TCTN3: variants seen among roughly 807,000 people sequenced by gnomAD.
TCTN3 encodes tectonic-3.
Under a neutral mutation model 71.3 loss-of-function variants are expected in TCTN3, and 57 were observed. That is an observed-to-expected ratio of 0.80 (90% confidence interval 0.65 to 1.00). The LOEUF (loss-of-function observed/expected upper bound fraction) is 1.00, where lower values mean the gene tolerates loss of function less well. Ranked by LOEUF, TCTN3 falls within the 50% of genes least tolerant of loss-of-function variation. TCTN3 has a pLI of 0.00. For synonymous variants in TCTN3, 258 were observed against 267.8 expected (o/e 0.96, Z 0.36); for missense variants, 696 against 719.9 (o/e 0.97, Z 0.38).
chr10:95,681,920 A>C (rs2097943356), intron 12 of TCTN3, among the ~76,000 whole-genome samples: 1 of 152,194 alleles, frequency 6.6e-6, no homozygotes, highest in Non-Finnish European at 1.5e-5. Context: ...TCAGGCTGGG[A>C]ACAGTGGCTT....
intron 2 of TCTN3, 45 bp from the exon 3 acceptor site, chr10:95,693,083 G>T: frequency 6.9e-7 from 1 of 1,459,322 alleles, no homozygotes. Context: ...AAGGGGCGGG[G>T]CAGGTCCAAA....
intron 13 of TCTN3, among the ~76,000 whole-genome samples, chr10:95,676,101 G>T (rs998250570): frequency 6.7e-6 from 1 of 150,140 alleles, no homozygotes; most frequent in African/African-American, 2.4e-5. Context: ...ATAAATAAAA[G>T]ATGCTTATTA....
At chr10:95,693,064 T>C in intron 2 of TCTN3, 26 bp from the exon 3 acceptor site, 1 of 1,559,728 alleles carries the variant, frequency 6.4e-7, no homozygotes, top group Non-Finnish European at 8.8e-7. Context: ...AGGGAGAAGA[T>C]ATATTTAGAA....
intron 13 of TCTN3, among the ~76,000 whole-genome samples, chr10:95,674,201 T>G (rs1458048628): frequency 6.6e-6 from 1 of 152,220 alleles, no homozygotes; most frequent in African/African-American, 2.4e-5. Context: ...AACCATTTAT[T>G]TAGATCTCCT....
In TCTN3 at chr10:95,682,537, C is replaced by T. The variant is rs2097944008; in HGVS notation, c.1452+114G>A. 53 of 1,264,164 alleles carry T rather than the reference C, an allele frequency of 4.2e-5. No homozygotes were observed. The South Asian group carries it at 6.9e-4, about 17-fold the overall frequency. The allele number at this position is 1,264,164 out of a possible 1,614,324, so 78.3% of individuals were successfully genotyped here. On this transcript the variant is annotated intron_variant, in intron 12 of 13. Transcript: ENST00000371217. The stretch of plus-strand genomic sequence containing the variant: ...AGTGGGCATGATTTCTTATACTCTT[C>T]CTTCTATGACAAATGCATTATCTAT...
intron 13 of TCTN3, among the ~76,000 whole-genome samples, chr10:95,673,270 A>G (rs970537435): frequency 3.9e-5 from 6 of 152,116 alleles, no homozygotes; most frequent in Admixed American, 3.9e-4. Context: ...CTTCAAACTT[A>G]CAGTCTCTTA....
intron 12 of TCTN3, among the ~76,000 whole-genome samples, chr10:95,681,472 AT>A (rs1330049865): frequency 6.6e-6 from 1 of 152,190 alleles, no homozygotes; most frequent in African/African-American, 2.4e-5. Flanking sequence ...AAAGTAAAGG[AT>A]TTGAATACAG....
Position 95,684,590 on chromosome 10 carries a change from C to G in TCTN3, c.1004G>C (p.Gly335Ala), listed in dbSNP as rs748918213. 5.6e-6 allele frequency: 9 copies of G among 1,613,870 alleles called. No individual in the cohort carries two copies. The highest frequency in any genetic ancestry group is 1.6e-4 in the Middle Eastern group (1 of 6,082). The change falls in exon 9 of 14, where the codon GGA becomes GCA. Residue 335 changes from glycine (G) to alanine (A), a missense_variant. Physicochemically the swap from Gly to Ala is moderately conservative, Grantham distance 60 (BLOSUM62 0). Coordinates refer to ENST00000371217, the MANE Select transcript of TCTN3 (RefSeq NM_015631.6). Reference sequence around the variant, plus strand: ...CAAACTGACAGAAACTTTCTGGATTCCAAAAGTCCCATTGGTCTCTATCTC... The same window carrying G: ...CAAACTGACAGAAACTTTCTGGATTGCAAAAGTCCCATTGGTCTCTATCTC... ...TYEIETNGTF[G>A]IQKVSVSLGQ...
chr10:95,664,238 C>T lies in TCTN3; in HGVS notation c.1653G>A (p.Gln551=). The T allele has an allele frequency of 6.2e-7, 1 of 1,614,140 alleles. No homozygotes were observed. The highest frequency in any genetic ancestry group is 8.5e-7 in the Non-Finnish European group (1 of 1,180,018). ...GTTGGCCCCTTGGAGGCTGTGGCTT[C>T]TGGGTAATGTCCACAAAGTTCACAA... is the stretch of plus-strand genomic sequence containing the variant. The part of the protein sequence containing the change: ...TTLVNFVDIT[Q]KPQPPRGQPK... The change falls in exon 14 of 14, where the codon CAG becomes CAA. Residue 551 remains glutamine, a synonymous_variant. Transcript: ENST00000371217.
rs2097955249 is a variant in TCTN3, at chr10:95,693,166, G to A, written c.381-128C>T. On this transcript the variant is annotated intron_variant, in intron 2 of 13. Transcript: ENST00000371217. ...TTGGGCACCTATAGGACGACACGAAGGTCTTATTCTACTGGCCAGCCCTGC... is the reference window on the plus strand; with the variant it reads ...TTGGGCACCTATAGGACGACACGAAAGTCTTATTCTACTGGCCAGCCCTGC... 5 of 1,190,224 alleles carry A rather than the reference G, an allele frequency of 4.2e-6. No individual in the cohort carries two copies. The East Asian group carries it at 7.7e-5, about 18-fold the overall frequency. 73.7% of individuals were successfully genotyped at this position (1,190,224 alleles called of 1,614,324 possible).
chr10:95,686,708 G>C (rs2097948632), intron 6 of TCTN3, among the ~76,000 whole-genome samples, 178 bp from the exon 7 acceptor site: 1 of 152,130 alleles, frequency 6.6e-6, no homozygotes, highest in African/African-American at 2.4e-5. Context: ...CCAGGAAGTG[G>C]AGCCAGGCAG....
At chr10:95,664,665 G>T (rs554016695) in intron 13 of TCTN3, among the ~76,000 whole-genome samples, 1 of 152,326 alleles carries the variant, frequency 6.6e-6, no homozygotes, top group South Asian at 2.1e-4. Flanking sequence ...ATGTACAAGT[G>T]AAAGTAGTAG....
chr10:95,686,946 AC>A, intron 6 of TCTN3, 97 bp downstream of exon 6: 1 of 1,073,286 alleles, frequency 9.3e-7, no homozygotes, highest in Admixed American at 2.4e-5. Flanking sequence ...GGGGATTCTG[AC>A]TTTTATTCAA....
chr10:95,669,724 A>G (rs537787662), intron 13 of TCTN3, among the ~76,000 whole-genome samples: 1 of 152,274 alleles, frequency 6.6e-6, no homozygotes, highest in African/African-American at 2.4e-5. Context: ...AACTAACATA[A>G]TAAGAGATTA....
chr10:95,686,960 C>T (rs1359571409), intron 6 of TCTN3, 84 bp downstream of exon 6: 2 of 1,219,230 alleles, frequency 1.6e-6, no homozygotes, highest in African/African-American at 1.5e-5. Flanking sequence ...TTATTCAATG[C>T]TCTTTCCACA....
intron 3 of TCTN3, 136 bp downstream of exon 3, chr10:95,692,784 G>GTT: frequency 1.6e-6 from 1 of 634,066 alleles, no homozygotes; most frequent in Admixed American, 2.9e-5. Flanking sequence ...TTTTGTTGTT[G>GTT]TTTTTAACTC....
At chr10:95,684,402 T>C (rs2097946214) in intron 9 of TCTN3, 97 bp downstream of exon 9, 3 of 1,491,894 alleles carry the variant, frequency 2.0e-6, no homozygotes, top group East Asian at 2.3e-5. Flanking sequence ...GGCCTTCATA[T>C]TCTTATTCTA....
intron 13 of TCTN3, among the ~76,000 whole-genome samples, chr10:95,665,688 G>A (rs1438130784): frequency 6.6e-6 from 1 of 152,082 alleles, no homozygotes; most frequent in African/African-American, 2.4e-5. Context: ...CTTTAGGAGG[G>A]CTTATTTGAA....
At position 95,683,121 on chromosome 10, in the gene TCTN3, T is replaced by C. The variant is rs184805842; in HGVS notation, c.1278A>G (p.Ala426=). The C allele has an allele frequency of 9.2e-5, 149 of 1,614,122 alleles. No homozygotes were observed. The East Asian group carries it at 3.1e-3, about 34-fold the overall frequency. The part of the protein sequence containing the change: ...KRHEVQFGVN[A]ISGCKLRLKK... ...ACTACCTGAGCTTGCATCCAGATAT[T>C]GCATTCACTCCAAACTGCACTTCAT... Residue 426 remains alanine (A), a synonymous_variant, in exon 11 of 14, where the codon GCA becomes GCG. Transcript: ENST00000371217.
Sources: gnomAD v4.1 joint callset for allele counts (sites outside exome capture counted in the v4.1 genomes callset) on GRCh38, gnomAD v4.1.1 for gene constraint, MANE v1.5 for transcripts, NCBI Gene and HGNC (gene_info 2026-07-23, HGNC 2026-07-21) for gene names.